Variants in GABRB2 observed in about 807,000 individuals in gnomAD.
The protein encoded by GABRB2 is gamma-aminobutyric acid type A receptor subunit beta2, also known as gamma-aminobutyric acid receptor subunit beta-2.
GABRB2 carries 16 observed loss-of-function variants against 54.7 expected under a neutral mutation model. The ratio of observed to expected loss-of-function variants is 0.29; its 90% confidence interval spans 0.20 to 0.44. The LOEUF (loss-of-function observed/expected upper bound fraction) is 0.44, where lower values mean the gene tolerates loss of function less well. GABRB2 is among the 20% of genes least tolerant of loss of function. GABRB2 has a pLI of 1.00. For missense variants in GABRB2, 355 were observed against 644.0 expected (o/e 0.55, Z 4.86); for synonymous variants, 244 against 233.8 (o/e 1.04, Z -0.40).
chr5:161,383,407 T>C (rs1755527752), intron 5 of GABRB2, among the ~76,000 whole-genome samples: 1 of 152,162 alleles, frequency 6.6e-6, no homozygotes, highest in Non-Finnish European at 1.5e-5. Context: ...TTATGGATGA[T>C]TCCAAACATA....
intron 4 of GABRB2, among the ~76,000 whole-genome samples, chr5:161,423,322 G>T (rs1198516342): frequency 6.6e-6 from 1 of 151,998 alleles, no homozygotes. Flanking sequence ...TCCTTTTATT[G>T]TGCTTTGCTT....
At chr5:161,345,610 C>T (rs1754299758) in intron 5 of GABRB2, among the ~76,000 whole-genome samples, 1 of 152,084 alleles carries the variant, frequency 6.6e-6, no homozygotes, top group Admixed American at 6.6e-5. Flanking sequence ...TTTCTGCACC[C>T]TTTAAAGACA....
At chr5:161,498,740 A>C (rs1429715148) in intron 3 of GABRB2, among the ~76,000 whole-genome samples, 1 of 152,094 alleles carries the variant, frequency 6.6e-6, no homozygotes, top group Non-Finnish European at 1.5e-5. Context: ...ACACACCACA[A>C]TATAAGCCCA....
chr5:161,305,908 C>T (rs1757677084), intron 9 of GABRB2, among the ~76,000 whole-genome samples: 1 of 152,190 alleles, frequency 6.6e-6, no homozygotes, highest in South Asian at 2.1e-4. Context: ...GATGACAGTG[C>T]ACATCACTAA....
chr5:161,322,817 T>G (rs1758249804), intron 9 of GABRB2, among the ~76,000 whole-genome samples: 1 of 152,158 alleles, frequency 6.6e-6, no homozygotes, highest in Non-Finnish European at 1.5e-5. Context: ...TAGATTGGTT[T>G]GTTAGTTTCA....
intron 3 of GABRB2, among the ~76,000 whole-genome samples, chr5:161,480,182 A>G (rs1344799149): frequency 1.3e-5 from 2 of 151,976 alleles, no homozygotes; most frequent in African/African-American, 4.8e-5. Context: ...ATGGAAATGG[A>G]TGAGTTCCTG....
rs561350763 is a variant in GABRB2 at position 161,301,497 on chromosome 5, C to G, written c.1192-7069G>C. Among the ~76,000 whole-genome samples, 3 of 152,096 alleles carry G rather than the reference C, an allele frequency of 2.0e-5. No homozygotes were observed. The South Asian group carries it at 6.2e-4, about 32-fold the overall frequency. ...AATCAGAAGGACCATGTGGCAATCT[C>G]TATTGCCCTGGAAAACATAGAAAAA... On this transcript the variant is annotated intron_variant, in intron 9 of 9. Coordinates refer to ENST00000393959, the MANE Select transcript of GABRB2 (RefSeq NM_001371727.1).
At chr5:161,418,930 C>A (rs555150621) in intron 4 of GABRB2, among the ~76,000 whole-genome samples, 137 of 152,222 alleles carry the variant, frequency 9.0e-4, no homozygotes, top group African/African-American at 2.9e-3. Flanking sequence ...AGTTCGAGAC[C>A]AGCGGGGGAA....
intron 4 of GABRB2, among the ~76,000 whole-genome samples, chr5:161,432,584 T>C (rs1347836029): frequency 1.3e-5 from 2 of 152,210 alleles, no homozygotes; most frequent in Non-Finnish European, 2.9e-5. Context: ...GTCAATGAAT[T>C]ATAAAAAGGT....
intron 3 of GABRB2, among the ~76,000 whole-genome samples, chr5:161,461,988 T>C (rs1758130142): frequency 6.6e-6 from 1 of 152,198 alleles, no homozygotes; most frequent in Non-Finnish European, 1.5e-5. Flanking sequence ...TGACTCATAT[T>C]ATCTGCTCTA....
intron 4 of GABRB2, among the ~76,000 whole-genome samples, chr5:161,427,494 A>C (rs1757035925): frequency 6.6e-6 from 1 of 152,194 alleles, no homozygotes; most frequent in African/African-American, 2.4e-5. Context: ...CCAATGACTC[A>C]TAATGGTCTC....
chr5:161,381,821 A>G (rs1015632576), intron 5 of GABRB2, among the ~76,000 whole-genome samples: 1 of 152,182 alleles, frequency 6.6e-6, no homozygotes, highest in Non-Finnish European at 1.5e-5. Context: ...CAAAAGACAA[A>G]CACTTCTGAG....
chr5:161,492,810 T>G (rs1759122402), intron 3 of GABRB2, among the ~76,000 whole-genome samples: 1 of 151,776 alleles, frequency 6.6e-6, no homozygotes, highest in African/African-American at 2.4e-5. Flanking sequence ...GCATTTTCAC[T>G]CTATGATAGA....
upstream of GABRB2, among the ~76,000 whole-genome samples, chr5:161,547,539 C>G (rs978954393): frequency 3.3e-5 from 5 of 151,446 alleles, no homozygotes; most frequent in Non-Finnish European, 7.4e-5. Flanking sequence ...GTGTGACGTT[C>G]CTGACCCGCT....
intron 3 of GABRB2, among the ~76,000 whole-genome samples, chr5:161,505,081 A>G (rs903680043): frequency 1.1e-4 from 17 of 150,170 alleles, no homozygotes; most frequent in South Asian, 2.1e-4. Context: ...AGAGTCCAAC[A>G]TTCTGAAGTC....
At chr5:161,317,694 T>C (rs1357468180) in intron 9 of GABRB2, among the ~76,000 whole-genome samples, 3 of 152,086 alleles carry the variant, frequency 2.0e-5, no homozygotes, top group Admixed American at 6.6e-5. Flanking sequence ...ATAGCATGAA[T>C]GAGAGTTTGG....
rs1473969966 is a variant in GABRB2, at chr5:161,289,905, G to T, written c.*4176C>A. 1 of 151,878 alleles carries T rather than the reference G, an allele frequency of 6.6e-6. No homozygotes were observed. The highest frequency in any genetic ancestry group is 1.5e-5 in the Non-Finnish European group (1 of 67,954). The allele number at this position is 151,878 out of a possible 1,614,324, so 9.4% of individuals were successfully genotyped here. On this transcript the variant is annotated 3_prime_UTR_variant, in exon 10 of 10. Coordinates refer to ENST00000393959, the MANE Select transcript of GABRB2 (RefSeq NM_001371727.1). ...TGCAAAAGGGTGTTTAAATTACTCT[G>T]CTGGGGGCACTGCAGTAATAGTACT...
chr5:161,370,645 T>TCCAG (rs1755103603), intron 5 of GABRB2, among the ~76,000 whole-genome samples: 1 of 152,190 alleles, frequency 6.6e-6, no homozygotes, highest in Non-Finnish European at 1.5e-5. Context: ...CTCAGTGTCT[T>TCCAG]CCAGCAAGAG....
chr5:161,348,550 G>A (rs1029314423), intron 5 of GABRB2, among the ~76,000 whole-genome samples: 4 of 152,032 alleles, frequency 2.6e-5, no homozygotes, highest in African/African-American at 9.7e-5. Context: ...AGAAAGTGTT[G>A]ACCTCAAGGA....
Sources: allele counts gnomAD v4.1 joint callset (sites outside exome capture counted in the v4.1 genomes callset), GRCh38; gene constraint gnomAD v4.1.1; transcripts MANE v1.5; gene names NCBI Gene and HGNC (gene_info 2026-07-23, HGNC 2026-07-21).